HERC1: variants seen among roughly 807,000 people sequenced by gnomAD.
HERC1 encodes the protein HECT and RLD domain containing E3 ubiquitin protein ligase family member 1, also known as probable E3 ubiquitin-protein ligase HERC1.
In HERC1, 160 loss-of-function variants were observed where a neutral mutation model predicts 554.3. That is an observed-to-expected ratio of 0.29 (90% CI 0.25 to 0.33). The LOEUF is 0.33. HERC1 is among the 10% of genes least tolerant of loss of function. The pLI, the probability that HERC1 is intolerant of heterozygous loss-of-function variation, is 1.00. For missense variants in HERC1, 4,919 were observed against 5,918.5 expected, an observed-to-expected ratio of 0.83 and a Z score of 5.54; for synonymous variants, 2,175 against 2,131.7, an observed-to-expected ratio of 1.02 and a Z score of -0.56.
At chr15:63,803,942 G>C (rs938157958) in intron 1 of HERC1, among the ~76,000 whole-genome samples, 2 of 152,166 alleles carry the variant, frequency 1.3e-5, no homozygotes, top group Non-Finnish European at 2.9e-5. Flanking sequence ...CATCAAGATA[G>C]ATCAACAGAA....
intron 19 of HERC1, among the ~76,000 whole-genome samples, chr15:63,719,710 T>C (rs968466313): frequency 3.3e-5 from 5 of 152,210 alleles, no homozygotes; most frequent in Admixed American, 6.5e-5. Context: ...TCCACATGCA[T>C]TTTGAAGGCA....
chr15:63,720,072 T>C (rs371772189), intron 19 of HERC1, among the ~76,000 whole-genome samples: 2 of 149,102 alleles, frequency 1.3e-5, no homozygotes, highest in East Asian at 1.9e-4. Flanking sequence ...CAACATTAGA[T>C]GATGAGGACT....
In HERC1 at chr15:63,675,081, C is replaced by A; in HGVS notation, c.7107G>T (p.Leu2369Phe). ...PTFWSPSDTP[L>F]YNLEPCEPLP... ...ATGGTTCACAGGGTTCCAGATTATA[C>A]AATGGAGTATCACTAGGCGACCAAA... is the stretch of plus-strand genomic sequence containing the variant. Residue 2369 changes from leucine (L) to phenylalanine (F), a missense_variant, in exon 38 of 78, where the codon TTG becomes TTT. This residue lies in a region of HERC1 where 1,963 missense variants were observed against 2,228.6 expected (regional missense o/e 0.88). Coordinates refer to ENST00000443617, the MANE Select transcript of HERC1 (RefSeq NM_003922.4). 1 of 1,609,378 alleles carries A rather than the reference C, an allele frequency of 6.2e-7. No homozygotes were observed. The highest frequency in any genetic ancestry group is 8.5e-7 in the Non-Finnish European group (1 of 1,176,700).
At chr15:63,786,014 A>G (rs1364635890) in intron 1 of HERC1, among the ~76,000 whole-genome samples, 1 of 152,018 alleles carries the variant, frequency 6.6e-6, no homozygotes, top group East Asian at 1.9e-4. Context: ...CCCAAGAGAT[A>G]ATTCTTTAGT....
chr15:63,764,057 C>T lies in HERC1; in HGVS notation c.1026+39G>A, dbSNP rs1018143870. On this transcript the variant is annotated intron_variant, in intron 3 of 77. Coordinates refer to ENST00000443617, the MANE Select transcript of HERC1 (RefSeq NM_003922.4). ...ATAAATACATGCCATAGCATTTTAA[C>T]ACAAAGTTGTTAATACAAAAGCCAC... 11 of 1,208,568 alleles carry T rather than the reference C, an allele frequency of 9.1e-6. 1 individual carries two copies. The highest frequency in any genetic ancestry group is 1.3e-5 in the Non-Finnish European group (11 of 862,680). The allele number at this position is 1,208,568 out of a possible 1,614,324, so 74.9% of individuals were successfully genotyped here. A position where few individuals can be genotyped will look rare whatever the true frequency, so the allele number is the denominator to read the frequency against.
rs1237744263 is a variant in HERC1, at chr15:63,658,729, T to A, written c.9425-11A>T. 3.1e-6 allele frequency: 5 copies of A among 1,600,938 alleles called. 1 individual carries two copies. The highest frequency in any genetic ancestry group is 1.1e-5 in the South Asian group (1 of 90,170). On this transcript the variant is annotated splice_polypyrimidine_tract_variant and intron_variant, in intron 47 of 77. Coordinates refer to ENST00000443617, the MANE Select transcript of HERC1 (RefSeq NM_003922.4). ...CGGAGCCATGGCAACCTGAAAAACA[T>A]AATTCTGTTTTGTTCTCAACAAGGT... is the stretch of plus-strand genomic sequence containing the variant.
At chr15:63,797,611 C>T (rs866096110) in intron 1 of HERC1, among the ~76,000 whole-genome samples, 8 of 152,120 alleles carry the variant, frequency 5.3e-5, no homozygotes, top group Admixed American at 6.6e-5. Flanking sequence ...CCCTAAACTC[C>T]AAGCCTTTGG....
At chr15:63,616,116 G>C (rs1325810434) in intron 75 of HERC1, among the ~76,000 whole-genome samples, 196 bp from the exon 76 acceptor site, 1 of 152,106 alleles carries the variant, frequency 6.6e-6, no homozygotes, top group African/African-American at 2.4e-5. Context: ...GTTAAAAATG[G>C]GACAAAATCT....
At chr15:63,693,798 C>T (rs948951275) in intron 30 of HERC1, among the ~76,000 whole-genome samples, 166 bp downstream of exon 30, 3 of 152,080 alleles carry the variant, frequency 2.0e-5, no homozygotes, top group African/African-American at 7.2e-5. Context: ...TGGTCAGAAG[C>T]TCATCTAAAT....
At chr15:63,744,164 G>GTGTGTGTGTGTGTGTCTCTCTCTCTC in intron 12 of HERC1, among the ~76,000 whole-genome samples, 1 of 46,222 alleles carries the variant, frequency 2.2e-5, no homozygotes, top group East Asian at 4.9e-4. Flanking sequence ...GTGTGTGTGT[G>GTGTGTGTGTGTGTGTCTCTCTCTCTC]TCTCTCTCTC....
chr15:63,743,658 T>C (rs1359910316), intron 12 of HERC1, among the ~76,000 whole-genome samples: 1 of 152,232 alleles, frequency 6.6e-6, no homozygotes, highest in Non-Finnish European at 1.5e-5. Flanking sequence ...GAATTTCTAC[T>C]TGATTCTTTC....
intron 25 of HERC1, among the ~76,000 whole-genome samples, chr15:63,700,708 C>CAAAAAAAAAAAA (rs11314964): frequency 1.5e-5 from 1 of 64,590 alleles, no homozygotes; most frequent in Non-Finnish European, 3.2e-5. Flanking sequence ...GACCCTGCCT[C>CAAAAAAAAAAAA]AAAAAAAAAA....
Position 63,690,558 on chromosome 15 carries a change from C to T in HERC1, c.5920G>A (p.Asp1974Asn). 1 of 1,610,482 alleles carries T rather than the reference C, an allele frequency of 6.2e-7. No homozygotes were observed. The highest frequency in any genetic ancestry group is 8.5e-7 in the Non-Finnish European group (1 of 1,177,620). ...VLPACESGVE[D>N]DQMAQIVERL... Reference sequence around the variant, plus strand: ...ATAAAAACCTGGGCCATTTGATCATCTTCTACACCAGATTCACAAGCTGGC... The same window carrying T: ...ATAAAAACCTGGGCCATTTGATCATTTTCTACACCAGATTCACAAGCTGGC... The change falls in exon 32 of 78, where the codon GAT becomes AAT. Residue 1974 changes from aspartate to asparagine, a missense_variant. Asp to Asn is a conservative substitution (Grantham distance 23). Coordinates refer to ENST00000443617, the MANE Select transcript of HERC1 (RefSeq NM_003922.4).
intron 1 of HERC1, among the ~76,000 whole-genome samples, chr15:63,814,668 C>T (rs2077435595): frequency 6.6e-6 from 1 of 152,116 alleles, no homozygotes; most frequent in South Asian, 2.1e-4. Context: ...AGGGTTTTGC[C>T]ATGTTGGCCA....
rs2141663629 is a variant in HERC1 at position 63,746,936 on chromosome 15, G to A, written c.2502C>T (p.Val834=). The change falls in exon 12 of 78, where the codon GTC becomes GTT. Residue 834 remains valine (V), a synonymous_variant. Coordinates refer to ENST00000443617, the MANE Select transcript of HERC1 (RefSeq NM_003922.4). ...NLLFRLMDST[V]PDEIQEVVIE... is the part of the protein sequence containing the mutation. ...CTCTTACCTCTTGGATTTCATCTGG[G>A]ACAGTTGAGTCCATCAGTCTGAAGA... The A allele has an allele frequency of 6.4e-7, 1 of 1,552,300 alleles. No individual in the cohort carries two copies.
intron 1 of HERC1, among the ~76,000 whole-genome samples, chr15:63,811,532 G>T (rs935629642): frequency 1.3e-5 from 2 of 152,106 alleles, no homozygotes; most frequent in South Asian, 4.1e-4. Flanking sequence ...GAAAGGGGCC[G>T]GGCGCGGTGG....
intron 74 of HERC1, 88 bp from the exon 75 acceptor site, chr15:63,616,770 T>C (rs1392679259): frequency 8.6e-7 from 1 of 1,166,314 alleles, no homozygotes; most frequent in South Asian, 1.4e-5. Flanking sequence ...CGTTAGTCTA[T>C]ACCTGTACTG....
intron 1 of HERC1, among the ~76,000 whole-genome samples, chr15:63,815,898 G>A (rs1232454165): frequency 2.0e-5 from 3 of 152,118 alleles, no homozygotes; most frequent in African/African-American, 4.8e-5. Flanking sequence ...GGGGCAAGAA[G>A]GAGAAGTGCC....
At chr15:63,717,378 C>T (rs1282819434) in intron 21 of HERC1, among the ~76,000 whole-genome samples, 1 of 152,138 alleles carries the variant, frequency 6.6e-6, no homozygotes, top group Non-Finnish European at 1.5e-5. Flanking sequence ...TTTTTTAAAT[C>T]TAAGGACTAA....
Sources: allele counts gnomAD v4.1 joint callset (sites outside exome capture counted in the v4.1 genomes callset), GRCh38; gene constraint gnomAD v4.1.1; regional missense constraint gnomAD v4.1.1; transcripts MANE v1.5; gene names NCBI Gene and HGNC (gene_info 2026-07-23, HGNC 2026-07-21).